Variants in MRPS10 observed in about 807,000 individuals in gnomAD.
The protein encoded by MRPS10 is mitochondrial ribosomal protein S10, also known as small ribosomal subunit protein uS10m.
MRPS10 carries 23 observed loss-of-function variants against 27.5 expected under a neutral mutation model. The ratio of observed to expected loss-of-function variants is 0.84; its 90% CI spans 0.60 to 1.18. The LOEUF is 1.18. MRPS10 is among the 50% of genes most tolerant of loss of function. The pLI, the probability that MRPS10 is intolerant of heterozygous loss-of-function variation, is 0.00. For synonymous variants in MRPS10, 88 were observed against 84.2 expected (o/e 1.04, Z -0.25); for missense variants, 237 against 240.1 (o/e 0.99, Z 0.09).
Position 42,210,484 on chromosome 6 carries a change from T to G in MRPS10, c.432+4A>C. 1.4e-6 allele frequency: 2 copies of G among 1,387,046 alleles called. No homozygotes were observed. Among genetic ancestry groups the G allele is most frequent in the Non-Finnish European group, 1.9e-6 (2 of 1,030,890 alleles). The allele number at this position is 1,387,046 out of a possible 1,614,324, so 85.9% of individuals were successfully genotyped here. A position where few individuals can be genotyped will look rare whatever the true frequency, so the allele number is the denominator to read the frequency against. On this transcript the variant is annotated splice_donor_region_variant and intron_variant, in intron 5 of 6. Transcript: ENST00000053468. ...AAATGCCAGAATTTCTCAAATACACTCACCTCTAAACATCTGTAAAGTGTT... is the reference window on the plus strand; with the variant it reads ...AAATGCCAGAATTTCTCAAATACACGCACCTCTAAACATCTGTAAAGTGTT...
intron 1 of MRPS10, among the ~76,000 whole-genome samples, chr6:42,216,385 A>AGAGAGAGAGAGAGTGTGT: frequency 6.8e-5 from 4 of 58,638 alleles, no homozygotes; most frequent in Non-Finnish European, 1.2e-4. Flanking sequence ...AGAGAGAGAG[A>AGAGAGAGAGAGAGTGTGT]GTGTGTGTGT....
intron 1 of MRPS10, among the ~76,000 whole-genome samples, 196 bp downstream of exon 1, chr6:42,217,606 G>A (rs1231946454): frequency 2.0e-5 from 3 of 152,098 alleles, no homozygotes; most frequent in African/African-American, 7.2e-5. Context: ...ATCTTTGCCT[G>A]GACTCACTAA....
intron 4 of MRPS10, 100 bp from the exon 5 acceptor site, chr6:42,210,696 T>C: frequency 6.8e-7 from 1 of 1,472,406 alleles, no homozygotes; most frequent in Admixed American, 2.5e-5. Flanking sequence ...AGGCATTAAC[T>C]ACCATTTACA....
chr6:42,208,616 C>A (rs1317011708), intron 6 of MRPS10, among the ~76,000 whole-genome samples: 1 of 152,106 alleles, frequency 6.6e-6, no homozygotes, highest in Non-Finnish European at 1.5e-5. Flanking sequence ...CAGGTCTAGA[C>A]AACTCATATT....
intron 1 of MRPS10, among the ~76,000 whole-genome samples, chr6:42,216,059 T>G (rs1768921179): frequency 6.8e-6 from 1 of 147,242 alleles, no homozygotes; most frequent in South Asian, 2.1e-4. Context: ...AGTCTTGCTC[T>G]GTCGCCCAGG....
rs1582346119 is a variant in MRPS10 at position 42,208,722 on chromosome 6, A to T, written c.522+136T>A. 4.7e-6 allele frequency: 3 copies of T among 637,676 alleles called. No homozygotes were observed. The East Asian group carries it at 8.8e-5, about 19-fold the overall frequency. The allele number at this position is 637,676 out of a possible 1,614,324, so 39.5% of individuals were successfully genotyped here. A position where few individuals can be genotyped will look rare whatever the true frequency, so the allele number is the denominator to read the frequency against. On this transcript the variant is annotated intron_variant, in intron 6 of 6. Coordinates refer to ENST00000053468, the MANE Select transcript of MRPS10 (RefSeq NM_018141.4). ...TGGGTAGCCCCCAACCGCTGTGGCAACTGTGTCTCCCAGTTTGCCACAGTT... is the reference window on the plus strand; with the variant it reads ...TGGGTAGCCCCCAACCGCTGTGGCATCTGTGTCTCCCAGTTTGCCACAGTT...
chr6:42,210,994 CAA>C (rs1238251249), intron 4 of MRPS10, among the ~76,000 whole-genome samples: 1 of 152,192 alleles, frequency 6.6e-6, no homozygotes, highest in South Asian at 2.1e-4. Context: ...ATCAAAATAA[CAA>C]AACTATAGTC....
chr6:42,212,034 C>A, intron 3 of MRPS10, 117 bp from the exon 4 acceptor site: 1 of 882,650 alleles, frequency 1.1e-6, no homozygotes, highest in African/African-American at 1.7e-5. Context: ...AGGAGAAAAA[C>A]ACTGAGTGAC....
At chr6:42,213,619 A>C (rs189546494) in intron 3 of MRPS10, among the ~76,000 whole-genome samples, 2 of 152,220 alleles carry the variant, frequency 1.3e-5, no homozygotes, top group East Asian at 1.9e-4. Context: ...AAGGATTTTT[A>C]AAAATTACAA....
chr6:42,217,473 G>A (rs1427990389), intron 1 of MRPS10, among the ~76,000 whole-genome samples: 2 of 152,138 alleles, frequency 1.3e-5, no homozygotes, highest in African/African-American at 4.8e-5. Context: ...TAATTTTCGC[G>A]AGGCAAATTT....
intron 3 of MRPS10, 102 bp downstream of exon 3, chr6:42,214,018 T>G: frequency 1.1e-6 from 1 of 921,090 alleles, no homozygotes; most frequent in Non-Finnish European, 1.6e-6. Flanking sequence ...AGGACAAAAT[T>G]TTTTTATTCA....
chr6:42,212,286 T>C (rs561638542), intron 3 of MRPS10, among the ~76,000 whole-genome samples: 1 of 152,326 alleles, frequency 6.6e-6, no homozygotes, highest in Non-Finnish European at 1.5e-5. Flanking sequence ...CTGCTAATGG[T>C]AGCTGAATGA....
At chr6:42,216,701 C>T (rs1452077860) in intron 1 of MRPS10, among the ~76,000 whole-genome samples, 1 of 151,888 alleles carries the variant, frequency 6.6e-6, no homozygotes, top group East Asian at 1.9e-4. Context: ...ATTCCAGCTG[C>T]TCGGGAGGCT....
At position 42,210,563 on chromosome 6, in the gene MRPS10, A is replaced by G; in HGVS notation, c.357T>C (p.Thr119=). Residue 119 remains threonine, a synonymous_variant, in exon 5 of 7, where the codon ACT becomes ACC. Transcript: ENST00000053468. ...TGTAAATATGCACTGATTGGAGAAG[A>G]GTAAATCGCTCTATTTTCCTTGGAG... is the stretch of plus-strand genomic sequence containing the variant. ...HEPPRKIERF[T]LLQSVHIYKK... is the part of the protein sequence containing the mutation. 1 of 1,520,182 alleles carries G rather than the reference A, an allele frequency of 6.6e-7. No homozygotes were observed. The highest frequency in any genetic ancestry group is 1.2e-5 in the South Asian group (1 of 82,456). The allele number at this position is 1,520,182 out of a possible 1,614,324, so 94.2% of individuals were successfully genotyped here. A position where few individuals can be genotyped will look rare whatever the true frequency, so the allele number is the denominator to read the frequency against.
chr6:42,215,166 A>C (rs1276672765), intron 1 of MRPS10, among the ~76,000 whole-genome samples: 2 of 152,018 alleles, frequency 1.3e-5, no homozygotes, highest in South Asian at 2.1e-4. Context: ...AGGTGGGTGG[A>C]TCACTTGTAG....
At chr6:42,208,727 G>C (rs553489880) in intron 6 of MRPS10, 131 bp downstream of exon 6, 1 of 648,396 alleles carries the variant, frequency 1.5e-6, no homozygotes, top group South Asian at 2.0e-5. Flanking sequence ...TGGCAACTGT[G>C]TCTCCCAGTT....
intron 4 of MRPS10, 106 bp downstream of exon 4, chr6:42,211,673 CAA>C (rs35472345): frequency 0.03 from 20,184 of 662,918 alleles, no homozygotes; most frequent in Middle Eastern, 0.04. Context: ...GACTCTGTCT[CAA>C]AAAAAAAAAA....
rs1582345736 is a variant in MRPS10, at chr6:42,208,454, A to C, written c.523-82T>G. ...AAATCGGACTTATTAATTTGGTCAA[A>C]TCCTCTTTACTTCTTTTTCTTTTAT... On this transcript the variant is annotated intron_variant, in intron 6 of 6. Coordinates refer to ENST00000053468, the MANE Select transcript of MRPS10 (RefSeq NM_018141.4). 3 of 1,060,868 alleles carry C rather than the reference A, an allele frequency of 2.8e-6. No individual in the cohort carries two copies. In the East Asian group the frequency reaches 7.2e-5, roughly 26 times the overall value. The allele number at this position is 1,060,868 out of a possible 1,614,324, so 65.7% of individuals were successfully genotyped here. A position where few individuals can be genotyped will look rare whatever the true frequency, so the allele number is the denominator to read the frequency against.
At chr6:42,215,696 G>T (rs1255449580) in intron 1 of MRPS10, among the ~76,000 whole-genome samples, 1 of 152,096 alleles carries the variant, frequency 6.6e-6, no homozygotes, top group East Asian at 1.9e-4. Flanking sequence ...CAAAGTGCTG[G>T]GATTTCAGGA....
Sources: allele counts gnomAD v4.1 joint callset (sites outside exome capture counted in the v4.1 genomes callset), GRCh38; gene constraint gnomAD v4.1.1; transcripts MANE v1.5; gene names NCBI Gene and HGNC (gene_info 2026-07-23, HGNC 2026-07-21).